Variants in NKAIN2 observed in about 807,000 individuals in gnomAD.
The protein encoded by NKAIN2 is sodium/potassium-transporting ATPase subunit beta-1-interacting protein 2.
NKAIN2 carries 14 observed loss-of-function variants against 32.6 expected under a neutral mutation model. The ratio of observed to expected loss-of-function variants is 0.43; its 90% confidence interval spans 0.28 to 0.67. The LOEUF (loss-of-function observed/expected upper bound fraction) is 0.67. NKAIN2 is among the 30% of genes least tolerant of loss of function. The pLI is 0.17. For missense variants in NKAIN2, 198 were observed against 258.3 expected (o/e 0.77, Z 1.60); for synonymous variants, 80 against 87.2 (o/e 0.92, Z 0.46).
intron 3 of NKAIN2, among the ~76,000 whole-genome samples, chr6:124,450,173 A>G (rs1019567966): frequency 1.3e-5 from 2 of 152,102 alleles, no homozygotes; most frequent in South Asian, 2.1e-4. Context: ...GTTTATCCCC[A>G]TTATCACATT....
intron 1 of NKAIN2, among the ~76,000 whole-genome samples, chr6:124,209,179 A>T (rs768354534): frequency 4.6e-5 from 7 of 151,648 alleles, no homozygotes; most frequent in African/African-American, 1.5e-4. Flanking sequence ...CCATGTATTC[A>T]ATTTTATTTT....
At chr6:123,938,399 TATATATATATATATATATATA>T (rs1776627209) in intron 1 of NKAIN2, among the ~76,000 whole-genome samples, 1 of 1,640 alleles carries the variant, frequency 6.1e-4, no homozygotes, top group African/African-American at 1.5e-3. Context: ...GCAAGGGTTA[TATATATATATATATATATATA>T]TATATATATA....
chr6:124,719,295 G>C (rs1003197224), intron 4 of NKAIN2, among the ~76,000 whole-genome samples: 5 of 152,116 alleles, frequency 3.3e-5, no homozygotes, highest in African/African-American at 1.2e-4. Context: ...AGAATATATA[G>C]GGAATGTTTC....
At chr6:124,042,312 A>G (rs1244429976) in intron 1 of NKAIN2, among the ~76,000 whole-genome samples, 2 of 152,086 alleles carry the variant, frequency 1.3e-5, no homozygotes, top group East Asian at 1.9e-4. Flanking sequence ...GAAAAACTTA[A>G]AAGTATGGCC....
chr6:124,156,539 G>A (rs1002415423), intron 1 of NKAIN2, among the ~76,000 whole-genome samples: 4 of 152,034 alleles, frequency 2.6e-5, no homozygotes, highest in African/African-American at 9.7e-5. Context: ...GTTTAGAAAT[G>A]AAAAGAAGTT....
intron 1 of NKAIN2, among the ~76,000 whole-genome samples, chr6:124,099,009 T>G (rs948961693): frequency 6.6e-6 from 1 of 152,158 alleles, no homozygotes; most frequent in African/African-American, 2.4e-5. Context: ...ATTTTCCTGT[T>G]CTGTCATAAA....
intron 1 of NKAIN2, among the ~76,000 whole-genome samples, chr6:123,824,862 G>A (rs1774081019): frequency 6.6e-6 from 1 of 152,116 alleles, no homozygotes; most frequent in South Asian, 2.1e-4. Context: ...TTTTCTACCT[G>A]ATGGAAAGGT....
chr6:123,951,357 G>A (rs1270933014), intron 1 of NKAIN2, among the ~76,000 whole-genome samples: 1 of 151,970 alleles, frequency 6.6e-6, no homozygotes, highest in African/African-American at 2.4e-5. Flanking sequence ...AGAGTGAAGT[G>A]TTGATTTCTT....
intron 3 of NKAIN2, among the ~76,000 whole-genome samples, chr6:124,515,314 T>C (rs1171846894): frequency 6.6e-6 from 1 of 152,024 alleles, no homozygotes; most frequent in Non-Finnish European, 1.5e-5. Flanking sequence ...CAGAATTAAG[T>C]ATTTACATCC....
At chr6:124,097,364 C>G (rs1017000382) in intron 1 of NKAIN2, among the ~76,000 whole-genome samples, 1 of 147,256 alleles carries the variant, frequency 6.8e-6, no homozygotes, top group Non-Finnish European at 1.5e-5. Context: ...CATCGCGCCA[C>G]TGCACTCTGG....
At chr6:123,911,013 C>A (rs1775151857) in intron 1 of NKAIN2, among the ~76,000 whole-genome samples, 1 of 152,044 alleles carries the variant, frequency 6.6e-6, no homozygotes, top group Admixed American at 6.6e-5. Flanking sequence ...AGTGCAATGA[C>A]CATTTTAATA....
intron 1 of NKAIN2, among the ~76,000 whole-genome samples, chr6:123,978,020 T>C (rs935430158): frequency 6.6e-6 from 1 of 152,164 alleles, no homozygotes; most frequent in Admixed American, 6.5e-5. Flanking sequence ...GAATTTTGAA[T>C]AGTAAAATTC....
At chr6:124,592,692 G>C (rs1781952933) in intron 3 of NKAIN2, among the ~76,000 whole-genome samples, 2 of 152,200 alleles carry the variant, frequency 1.3e-5, no homozygotes, top group South Asian at 4.1e-4. Context: ...CTAACAACAA[G>C]CCGCTTCACA....
intron 3 of NKAIN2, among the ~76,000 whole-genome samples, chr6:124,593,205 T>TTGTGTGTGTGTGTG (rs10526889): frequency 7.3e-5 from 11 of 149,896 alleles, no homozygotes; most frequent in Non-Finnish European, 1.3e-4. Context: ...GATGAGAGTT[T>TTGTGTGTGTGTGTG]TGTGTGTGTG....
At chr6:123,871,108 T>C (rs568505987) in intron 1 of NKAIN2, among the ~76,000 whole-genome samples, 26 of 152,332 alleles carry the variant, frequency 1.7e-4, no homozygotes, top group African/African-American at 6.0e-4. Flanking sequence ...TCTGCCATCA[T>C]ATATGTCCAG....
At chr6:124,432,032 T>A (rs1481800536) in intron 3 of NKAIN2, among the ~76,000 whole-genome samples, 1 of 152,166 alleles carries the variant, frequency 6.6e-6, no homozygotes, top group Non-Finnish European at 1.5e-5. Context: ...CAAACTTTGT[T>A]AAACTCCCTT....
intron 5 of NKAIN2, 90 bp downstream of exon 5, chr6:124,791,489 T>C: frequency 1.3e-6 from 1 of 797,098 alleles, no homozygotes; most frequent in Non-Finnish European, 2.1e-6. Flanking sequence ...TCAGACAAGA[T>C]CCTACAACAC....
rs545170008 is a variant in NKAIN2 at position 123,815,147 on chromosome 6, G to C, written c.54+10893G>C. ...TTCTATCGTAAATCTAGTATCTAGT[G>C]GTTTTAATAATTCAAGATTAGTTTA... On this transcript the variant is annotated intron_variant, in intron 1 of 6. Transcript: ENST00000368417. 1.2e-3 allele frequency among the ~76,000 whole-genome samples: 177 copies of C among 152,036 alleles called. No individual in the cohort carries two copies. In the Middle Eastern group the frequency reaches 0.017, roughly 15 times the overall value.
At chr6:123,971,665 A>G (rs370243972) in intron 1 of NKAIN2, among the ~76,000 whole-genome samples, 4 of 152,118 alleles carry the variant, frequency 2.6e-5, no homozygotes, top group South Asian at 4.1e-4. Flanking sequence ...CAGCCATTGG[A>G]TATACAACAT....
Sources: gnomAD v4.1 joint callset for allele counts (sites outside exome capture counted in the v4.1 genomes callset) on GRCh38, gnomAD v4.1.1 for gene constraint, MANE v1.5 for transcripts, NCBI Gene and HGNC (gene_info 2026-07-23, HGNC 2026-07-21) for gene names.